The following ANAPC16 variants were observed in gnomAD, a reference collection of about 807,000 sequenced individuals.
The protein encoded by ANAPC16 is anaphase promoting complex subunit 16, also known as anaphase-promoting complex subunit 16.
In ANAPC16, 6 loss-of-function variants were observed where a neutral mutation model predicts 13.1. That is an observed-to-expected ratio of 0.46 (90% CI 0.25 to 0.90). The LOEUF (loss-of-function observed/expected upper bound fraction) is 0.90, where lower values mean the gene tolerates loss of function less well. ANAPC16 is among the 40% of genes least tolerant of loss of function. ANAPC16 has a pLI of 0.18. For missense variants in ANAPC16, 113 were observed against 131.1 expected (o/e 0.86, Z 0.67); for synonymous variants, 55 against 51.3 (o/e 1.07, Z -0.31).
At chr10:72,231,667 C>T (rs1483946132) in intron 3 of ANAPC16, among the ~76,000 whole-genome samples, 1 of 152,150 alleles carries the variant, frequency 6.6e-6, no homozygotes, top group Non-Finnish European at 1.5e-5. Context: ...AGTGATTCTC[C>T]TTCCTCAGCC....
chr10:72,228,044 A>G (rs1407179585), intron 2 of ANAPC16, among the ~76,000 whole-genome samples: 1 of 150,808 alleles, frequency 6.6e-6, no homozygotes, highest in Non-Finnish European at 1.5e-5. Flanking sequence ...AAAAAAAAAA[A>G]GGATATGAAA....
At chr10:72,219,997 A>C (rs1859842549) in intron 1 of ANAPC16, 1 of 152,166 alleles carries the variant, frequency 6.6e-6, no homozygotes, top group Non-Finnish European at 1.5e-5. Context: ...TATGTATATA[A>C]ATTTATATTT....
At position 72,234,871 on chromosome 10, in the gene ANAPC16, C is replaced by G. The variant is rs1462595357; in HGVS notation, c.*1755C>G. The G allele has an allele frequency of 1.3e-5, 2 of 152,232 alleles. No individual in the cohort carries two copies. Among genetic ancestry groups the G allele is most frequent in the African/African-American group, 2.4e-5 (1 of 41,458 alleles). 9.4% of individuals were successfully genotyped at this position (152,232 alleles called of 1,614,324 possible). A position where few individuals can be genotyped will look rare whatever the true frequency, so the allele number is the denominator to read the frequency against. On this transcript the variant is annotated 3_prime_UTR_variant, in exon 4 of 4. Coordinates refer to ENST00000299381, the MANE Select transcript of ANAPC16 (RefSeq NM_173473.4). ...TATTGCCTCTAAAGCAAATTGGAGA[C>G]TGGGCACAGTGGCTCCCACCTTTAA...
At chr10:72,226,018 A>G (rs1390165993) in intron 2 of ANAPC16, among the ~76,000 whole-genome samples, 2 of 142,314 alleles carry the variant, frequency 1.4e-5, no homozygotes, top group Admixed American at 7.0e-5. Flanking sequence ...AAGTGTTGCA[A>G]TTTTTTTTTT....
chr10:72,225,548 C>G (rs980982161), intron 2 of ANAPC16, among the ~76,000 whole-genome samples: 1 of 152,064 alleles, frequency 6.6e-6, no homozygotes, highest in Non-Finnish European at 1.5e-5. Flanking sequence ...TGCCATGGCA[C>G]TCCAGCCTGG....
chr10:72,230,325 C>A, intron 2 of ANAPC16, 41 bp from the exon 3 acceptor site: 2 of 1,514,886 alleles, frequency 1.3e-6, no homozygotes, highest in Admixed American at 1.7e-5. Flanking sequence ...AGCCATAAAA[C>A]CTTTAGAGCA....
intron 1 of ANAPC16, among the ~76,000 whole-genome samples, chr10:72,217,762 CCTGTGT>C (rs1266837763): frequency 6.6e-6 from 1 of 152,032 alleles, no homozygotes. Flanking sequence ...CTTTGTCACA[CCTGTGT>C]GAGGTAGGTG....
intron 1 of ANAPC16, among the ~76,000 whole-genome samples, chr10:72,222,088 G>C (rs1282724740): frequency 4.6e-5 from 7 of 151,522 alleles, no homozygotes; most frequent in Admixed American, 4.6e-4. Flanking sequence ...TGAGACTTTG[G>C]GAGACCACGG....
At chr10:72,232,895 C>A in intron 3 of ANAPC16, 106 bp from the exon 4 acceptor site, 1 of 908,694 alleles carries the variant, frequency 1.1e-6, no homozygotes, top group Non-Finnish European at 1.7e-6. Flanking sequence ...TGATCCACCA[C>A]ACCCGGCCTA....
rs752721096 is a variant in ANAPC16 at position 72,233,015 on chromosome 10, C to T, written c.232C>T (p.Arg78Trp). The T allele has an allele frequency of 6.8e-6, 11 of 1,614,082 alleles. No homozygotes were observed. The East Asian group carries it at 1.8e-4, about 26-fold the overall frequency. The change falls in exon 4 of 4, where the codon CGG becomes TGG. Residue 78 changes from arginine to tryptophan, a missense_variant. Arg to Trp is a moderately radical substitution (Grantham distance 101). Coordinates refer to ENST00000299381, the MANE Select transcript of ANAPC16 (RefSeq NM_173473.4). ...ACTCCTTACAGATCAGCAAGTTGCT[C>T]GGATGGAAAAACTAGCTGGTTTGGT... is the stretch of plus-strand genomic sequence containing the variant. Reference protein sequence around the residue: ...KQVKHDQQVARMEKLAGLVEE... With the variant: ...KQVKHDQQVAWMEKLAGLVEE...
chr10:72,218,329 G>A (rs907774982), intron 1 of ANAPC16, among the ~76,000 whole-genome samples: 2 of 150,896 alleles, frequency 1.3e-5, no homozygotes, highest in Non-Finnish European at 2.9e-5. Context: ...TGGAACACTA[G>A]GCATAAATGG....
Position 72,218,491 on chromosome 10 carries a change from C to A in ANAPC16, c.-28+2353C>A, listed in dbSNP as rs529325945. 6.0e-4 allele frequency among the ~76,000 whole-genome samples: 91 copies of A among 152,038 alleles called. 1 individual carries two copies. The highest frequency in any genetic ancestry group is 1.9e-3 in the South Asian group (9 of 4,818). On this transcript the variant is annotated intron_variant, in intron 1 of 3. Transcript: ENST00000299381. Reference sequence around the variant, plus strand: ...GCTTCAAAATGTCACAGCAGATAAGCTAAAATTGTCTCTACACCTCAGTTT... The same window carrying A: ...GCTTCAAAATGTCACAGCAGATAAGATAAAATTGTCTCTACACCTCAGTTT...
intron 1 of ANAPC16, chr10:72,223,082 ATTTTTTTTTT>A (rs67344471): frequency 9.3e-5 from 8 of 86,382 alleles, no homozygotes; most frequent in African/African-American, 3.9e-4. Flanking sequence ...GAAAAGGTTA[ATTTTTTTTTT>A]TTTTTTTTTT....
intron 1 of ANAPC16, among the ~76,000 whole-genome samples, chr10:72,218,159 AAAAAAAATATATATATATATATATAT>A (rs1353302967): frequency 3.9e-4 from 18 of 45,846 alleles, no homozygotes; most frequent in South Asian, 8.9e-4. Context: ...AAAAAAAAAA[AAAAAAAATATATATATATATATATAT>A]ATATATATAT....
chr10:72,218,145 CAAAAAAAAAA>C (rs142932037), intron 1 of ANAPC16, among the ~76,000 whole-genome samples: 24 of 34,876 alleles, frequency 6.9e-4, no homozygotes, highest in East Asian at 1.4e-3. Flanking sequence ...AACTCTGTCT[CAAAAAAAAAA>C]AAAAAAAAAA....
At chr10:72,227,263 T>C (rs1026007918) in intron 2 of ANAPC16, among the ~76,000 whole-genome samples, 5 of 152,206 alleles carry the variant, frequency 3.3e-5, no homozygotes, top group Non-Finnish European at 7.3e-5. Flanking sequence ...TGTGGAGATA[T>C]TGAAGAAGAA....
chr10:72,230,518 C>G, intron 3 of ANAPC16, 78 bp downstream of exon 3: 2 of 1,205,224 alleles, frequency 1.7e-6, no homozygotes, highest in South Asian at 1.2e-5. Flanking sequence ...CAAAAATCCC[C>G]AAACTCAGCA....
intron 1 of ANAPC16, among the ~76,000 whole-genome samples, chr10:72,219,460 G>A (rs765855990): frequency 8.5e-5 from 13 of 152,194 alleles, no homozygotes; most frequent in Non-Finnish European, 1.6e-4. Context: ...TGTCAGCTGA[G>A]CAGAGTGGCT....
At chr10:72,232,883 C>T (rs1239490481) in intron 3 of ANAPC16, 118 bp from the exon 4 acceptor site, 8 of 782,312 alleles carry the variant, frequency 1.0e-5, no homozygotes, top group African/African-American at 6.8e-5. Context: ...GGATTATAGG[C>T]GTGATCCACC....
Sources: allele counts gnomAD v4.1 joint callset (sites outside exome capture counted in the v4.1 genomes callset), GRCh38; gene constraint gnomAD v4.1.1; transcripts MANE v1.5; gene names NCBI Gene and HGNC (gene_info 2026-07-23, HGNC 2026-07-21).